The following CAMK2A variants were observed in gnomAD, a reference collection of about 807,000 sequenced individuals.
CAMK2A encodes calcium/calmodulin-dependent protein kinase type II subunit alpha.
CAMK2A carries 7 observed loss-of-function variants against 79.2 expected under a neutral mutation model. That is an observed-to-expected ratio of 0.09 (90% CI 0.05 to 0.17). The LOEUF (loss-of-function observed/expected upper bound fraction) is 0.17, where lower values mean the gene tolerates loss of function less well. Ranked by LOEUF, CAMK2A falls within the 10% of genes least tolerant of loss-of-function variation. The pLI is 1.00. For missense variants in CAMK2A, 214 were observed against 646.4 expected (o/e 0.33, Z 7.25); for synonymous variants, 242 against 251.7 (o/e 0.96, Z 0.36).
chr5:150,282,045 G>A (rs1757235797), intron 1 of CAMK2A, among the ~76,000 whole-genome samples: 2 of 152,162 alleles, frequency 1.3e-5, no homozygotes, highest in Admixed American at 1.3e-4. Flanking sequence ...TCCCAGCTCT[G>A]TAAGCAGAAC....
In CAMK2A at chr5:150,256,558, C is replaced by T. The variant is rs751010434; in HGVS notation, c.411+15G>A. 19 of 1,605,550 alleles carry T rather than the reference C, an allele frequency of 1.2e-5. No individual in the cohort carries two copies. Among genetic ancestry groups the T allele is most frequent in the African/African-American group, 2.7e-5 (2 of 74,744 alleles). ...GGGCTCCCGGGGTGAGCCACACCCA[C>T]GGTGGGTTGCTCACCTTCAGGTCCC... On this transcript the variant is annotated intron_variant, in intron 6 of 18. Coordinates refer to ENST00000671881, the MANE Select transcript of CAMK2A (RefSeq NM_015981.4). The surrounding 1 kb of genome is among the most constrained non-coding windows in gnomAD (Gnocchi z 4.6).
chr5:150,260,186 G>C (rs1176018636), intron 3 of CAMK2A, among the ~76,000 whole-genome samples: 3 of 152,104 alleles, frequency 2.0e-5, no homozygotes, highest in African/African-American at 7.2e-5. Context: ...GCCGGGCACA[G>C]TGGCTCACGA....
At chr5:150,238,877 C>A in intron 14 of CAMK2A, 129 bp from the exon 15 acceptor site, 1 of 740,466 alleles carries the variant, frequency 1.4e-6, no homozygotes, top group Non-Finnish European at 2.2e-6. Flanking sequence ...AGATGCTGTC[C>A]TGAAAACCCT....
chr5:150,223,255 CG>C lies in CAMK2A; in HGVS notation c.1238-39del, dbSNP rs766492379. ...ATGGGAGGGGCAGAGGAGATGCAAC[CG>C]GGGGCCTCCTGTCTCACTTTCTTCA... is the stretch of plus-strand genomic sequence containing the variant. On this transcript the variant is annotated intron_variant, in intron 17 of 18. Coordinates refer to ENST00000671881, the MANE Select transcript of CAMK2A (RefSeq NM_015981.4). This position sits in a 1 kb window ranked among gnomAD's most constrained non-coding sequence, Gnocchi z 4.1. 1.3e-6 allele frequency: 2 copies of C among 1,526,440 alleles called. No homozygotes were observed. Among genetic ancestry groups the C allele is most frequent in the East Asian group, 2.3e-5 (1 of 44,206 alleles). The allele number at this position is 1,526,440 out of a possible 1,614,324, so 94.6% of individuals were successfully genotyped here. A position where few individuals can be genotyped will look rare whatever the true frequency, so the allele number is the denominator to read the frequency against.
intron 10 of CAMK2A, 51 bp from the exon 11 acceptor site, chr5:150,250,360 G>A (rs1193965652): frequency 6.7e-7 from 1 of 1,487,450 alleles, no homozygotes; most frequent in Non-Finnish European, 9.4e-7. Context: ...CTGGAAGACA[G>A]GCCCACCCAA....
chr5:150,257,665 C>A lies in CAMK2A; in HGVS notation c.218-48G>T, dbSNP rs753424679. On this transcript the variant is annotated intron_variant, in intron 3 of 18. Transcript: ENST00000671881. ...GGTTACAGTGGGACACACTGCTGCA[C>A]AGGCCCGCCCTCCCTCTCTCCCCTC... is the stretch of plus-strand genomic sequence containing the variant. 26 of 1,438,380 alleles carry A rather than the reference C, an allele frequency of 1.8e-5. No homozygotes were observed. The South Asian group carries it at 3.2e-4, about 18-fold the overall frequency. The allele number at this position is 1,438,380 out of a possible 1,614,324, so 89.1% of individuals were successfully genotyped here. A position where few individuals can be genotyped will look rare whatever the true frequency, so the allele number is the denominator to read the frequency against.
intron 1 of CAMK2A, among the ~76,000 whole-genome samples, chr5:150,282,638 A>G (rs972729968): frequency 2.6e-5 from 4 of 152,344 alleles, no homozygotes; most frequent in East Asian, 1.9e-4. Flanking sequence ...ACCATGGGCA[A>G]CGCCCTCACC....
At position 150,219,573 on chromosome 5, in the gene CAMK2A, C is replaced by T. The variant is rs6882312; in HGVS notation, c.*3137G>A. 1 of 139,480 alleles carries T rather than the reference C, an allele frequency of 7.2e-6. No homozygotes were observed. Among genetic ancestry groups the T allele is most frequent in the Non-Finnish European group, 1.5e-5 (1 of 64,844 alleles). 8.6% of individuals were successfully genotyped at this position (139,480 alleles called of 1,614,324 possible). A position where few individuals can be genotyped will look rare whatever the true frequency, so the allele number is the denominator to read the frequency against. On this transcript the variant is annotated 3_prime_UTR_variant, in exon 19 of 19. Transcript: ENST00000671881. Reference sequence around the variant, plus strand: ...CCCTTCTTCCCATCCCACCCGCCCCCCCCAATAGCAGAAAGTTTGAGCAGT... The same window carrying T: ...CCCTTCTTCCCATCCCACCCGCCCCTCCCAATAGCAGAAAGTTTGAGCAGT...
intron 6 of CAMK2A, among the ~76,000 whole-genome samples, chr5:150,255,654 G>C (rs1384571943): frequency 6.6e-6 from 1 of 152,232 alleles, no homozygotes; most frequent in Non-Finnish European, 1.5e-5. Flanking sequence ...TACCCCATGG[G>C]AAGTGAGTTT....
At position 150,256,423 on chromosome 5, in the gene CAMK2A, C is replaced by T. The variant is rs1756060397; in HGVS notation, c.411+150G>A. On this transcript the variant is annotated intron_variant, in intron 6 of 18. Transcript: ENST00000671881. This position sits in a 1 kb window ranked among gnomAD's most constrained non-coding sequence, Gnocchi z 4.6. Reference sequence around the variant, plus strand: ...CCTGAGCTCTGCTTCCTCATCTGAACAGTGGGGAAAATAATCTCACCCACC... The same window carrying T: ...CCTGAGCTCTGCTTCCTCATCTGAATAGTGGGGAAAATAATCTCACCCACC... 1 of 615,566 alleles carries T rather than the reference C, an allele frequency of 1.6e-6. No individual in the cohort carries two copies. 38.1% of individuals were successfully genotyped at this position (615,566 alleles called of 1,614,324 possible).
At chr5:150,270,452 A>G (rs931060966) in intron 2 of CAMK2A, among the ~76,000 whole-genome samples, 4 of 152,194 alleles carry the variant, frequency 2.6e-5, no homozygotes, top group African/African-American at 9.7e-5. Context: ...TTGCTAGAAG[A>G]GGCTGGGCAG....
intron 2 of CAMK2A, among the ~76,000 whole-genome samples, chr5:150,266,868 G>T (rs775231009): frequency 6.6e-6 from 1 of 152,034 alleles, no homozygotes; most frequent in African/African-American, 2.4e-5. Context: ...GTATGCGGGT[G>T]GGGGGGTGGT....
intron 2 of CAMK2A, among the ~76,000 whole-genome samples, chr5:150,266,373 G>A (rs1756514828): frequency 6.6e-6 from 1 of 152,166 alleles, no homozygotes; most frequent in Non-Finnish European, 1.5e-5. Flanking sequence ...TGGCAGAGCT[G>A]GAACTGAAAA....
intron 2 of CAMK2A, 101 bp downstream of exon 2, chr5:150,272,964 C>A: frequency 1.2e-6 from 1 of 865,824 alleles, no homozygotes; most frequent in Non-Finnish European, 1.9e-6. Context: ...ATAAGTATCA[C>A]CCAGGGGCTC....
intron 1 of CAMK2A, among the ~76,000 whole-genome samples, chr5:150,279,951 G>T (rs1240628675): frequency 6.6e-6 from 1 of 152,256 alleles, no homozygotes; most frequent in African/African-American, 2.4e-5. Flanking sequence ...GCCTGAAACA[G>T]CAGGAAGAGT....
intron 15 of CAMK2A, among the ~76,000 whole-genome samples, chr5:150,234,558 G>A (rs533153368): frequency 2.6e-5 from 4 of 152,306 alleles, no homozygotes; most frequent in Non-Finnish European, 4.4e-5. Flanking sequence ...TTGCTGTTCC[G>A]AGTCCTTTAG....
chr5:150,243,357 CT>C (rs1298055776), intron 13 of CAMK2A, among the ~76,000 whole-genome samples: 1 of 152,186 alleles, frequency 6.6e-6, no homozygotes, highest in Non-Finnish European at 1.5e-5. Context: ...CCCAGCACCC[CT>C]AGCTCAGCGT....
chr5:150,220,206 A>C lies in CAMK2A; in HGVS notation c.*2504T>G, dbSNP rs1460722837. Reference sequence around the variant, plus strand: ...CCTCTGGCAGGGAAACCAAGCTCCAAAGAGGGAAAGGAACTTGCCCAAGGT... The same window carrying C: ...CCTCTGGCAGGGAAACCAAGCTCCACAGAGGGAAAGGAACTTGCCCAAGGT... On this transcript the variant is annotated 3_prime_UTR_variant, in exon 19 of 19. Coordinates refer to ENST00000671881, the MANE Select transcript of CAMK2A (RefSeq NM_015981.4). The C allele has an allele frequency of 6.6e-6, 1 of 152,362 alleles. No individual in the cohort carries two copies. Among genetic ancestry groups the C allele is most frequent in the Non-Finnish European group, 1.5e-5 (1 of 68,102 alleles). 9.4% of individuals were successfully genotyped at this position (152,362 alleles called of 1,614,324 possible).
chr5:150,262,513 C>T (rs1044282164), intron 3 of CAMK2A, among the ~76,000 whole-genome samples: 5 of 152,122 alleles, frequency 3.3e-5, no homozygotes, highest in African/African-American at 1.2e-4. Flanking sequence ...GCCTGCGCAT[C>T]GCCACCACCC....
Sources: allele counts gnomAD v4.1 joint callset (sites outside exome capture counted in the v4.1 genomes callset), GRCh38; gene constraint gnomAD v4.1.1; non-coding constraint Gnocchi (gnomAD v3.1); transcripts MANE v1.5; gene names NCBI Gene and HGNC (gene_info 2026-07-23, HGNC 2026-07-21).